Variants in KCNMA1 observed in about 807,000 individuals in gnomAD.
KCNMA1 encodes the protein Calcium-activated potassium channel subunit alpha-1.
In KCNMA1, 29 loss-of-function variants were observed where a neutral mutation model predicts 140.0. The observed-to-expected ratio is 0.21, with a 90% CI of 0.15 to 0.28. The LOEUF is 0.28. KCNMA1 is among the 10% of genes least tolerant of loss of function. The pLI is 1.00. For synonymous variants in KCNMA1, 612 were observed against 611.9 expected (o/e 1.00, Z 0.00); for missense variants, 880 against 1,602.2 (o/e 0.55, Z 7.70).
At chr10:76,950,483 T>C (rs1255612347) in intron 21 of KCNMA1, among the ~76,000 whole-genome samples, 1 of 152,216 alleles carries the variant, frequency 6.6e-6, no homozygotes, top group East Asian at 1.9e-4. Context: ...GCTGGCCCTT[T>C]GATTCACTGA....
At chr10:76,987,275 C>T (rs1322434454) in intron 19 of KCNMA1, among the ~76,000 whole-genome samples, 1 of 152,154 alleles carries the variant, frequency 6.6e-6, no homozygotes, top group East Asian at 1.9e-4. Flanking sequence ...AACATAAAAA[C>T]TGTCTAATGG....
intron 1 of KCNMA1, among the ~76,000 whole-genome samples, chr10:77,494,277 T>C (rs1041014820): frequency 4.1e-5 from 5 of 121,724 alleles, no homozygotes; most frequent in African/African-American, 1.8e-4. Context: ...CCAGTCCTCA[T>C]TACCCAGTGC....
intron 3 of KCNMA1, among the ~76,000 whole-genome samples, chr10:77,228,061 T>A (rs1392102610): frequency 1.4e-5 from 2 of 147,486 alleles, no homozygotes; most frequent in Non-Finnish European, 3.0e-5. Flanking sequence ...ACCTCCAGGG[T>A]TCAAGTGATT....
At chr10:77,330,704 A>C (rs2086063715) in intron 2 of KCNMA1, among the ~76,000 whole-genome samples, 1 of 152,178 alleles carries the variant, frequency 6.6e-6, no homozygotes, top group Non-Finnish European at 1.5e-5. Flanking sequence ...AGTGAATGGC[A>C]AAATCAGAAC....
intron 1 of KCNMA1, among the ~76,000 whole-genome samples, chr10:77,600,480 G>A (rs2082266318): frequency 6.6e-6 from 1 of 152,150 alleles, no homozygotes; most frequent in South Asian, 2.1e-4. Flanking sequence ...CGGGCACAGT[G>A]GCTTATGCCT....
At chr10:77,487,033 G>A (rs1311824376) in intron 1 of KCNMA1, among the ~76,000 whole-genome samples, 1 of 152,208 alleles carries the variant, frequency 6.6e-6, no homozygotes, top group African/African-American at 2.4e-5. Flanking sequence ...AATCCCTGCA[G>A]GATGAAATAC....
chr10:77,388,217 T>C (rs2095686301), intron 2 of KCNMA1, among the ~76,000 whole-genome samples: 1 of 152,210 alleles, frequency 6.6e-6, no homozygotes, highest in Non-Finnish European at 1.5e-5. Context: ...GGCTGTGAAA[T>C]AAGAACTGGT....
At chr10:77,436,020 A>T (rs1328074035) in intron 1 of KCNMA1, among the ~76,000 whole-genome samples, 2 of 152,240 alleles carry the variant, frequency 1.3e-5, no homozygotes, top group East Asian at 3.8e-4. Context: ...TGTGAAGTTC[A>T]GCCAAATGGC....
intron 1 of KCNMA1, among the ~76,000 whole-genome samples, chr10:77,456,554 T>C (rs74536535): frequency 6.6e-6 from 1 of 152,328 alleles, no homozygotes; most frequent in African/African-American, 2.4e-5. Flanking sequence ...CCCCGGCAGT[T>C]AGCAAAACGT....
At chr10:77,008,159 G>A (rs1291263728) in intron 18 of KCNMA1, 3 of 1,533,450 alleles carry the variant, frequency 2.0e-6, no homozygotes, top group Non-Finnish European at 2.6e-6. Flanking sequence ...CTGGACTCCG[G>A]GCTGCTGGGA....
At chr10:77,077,741 G>A (rs1206794592) in intron 13 of KCNMA1, 1 of 152,242 alleles carries the variant, frequency 6.6e-6, no homozygotes, top group Non-Finnish European at 1.5e-5. Context: ...TGCAGGAGCT[G>A]TCACTAGTCA....
At chr10:77,057,061 C>T (rs2095565820) in intron 14 of KCNMA1, among the ~76,000 whole-genome samples, 1 of 152,044 alleles carries the variant, frequency 6.6e-6, no homozygotes, top group Non-Finnish European at 1.5e-5. Context: ...AGAGACAAAC[C>T]TAGCAGTTGA....
At chr10:77,635,858 A>G (rs1167188379) in intron 1 of KCNMA1, 3 of 153,450 alleles carry the variant, frequency 2.0e-5, no homozygotes, top group Non-Finnish European at 4.3e-5. Flanking sequence ...ATGTGCTGCC[A>G]CAAAACACAG....
chr10:77,298,618 G>GAA (rs35476319), intron 2 of KCNMA1, among the ~76,000 whole-genome samples: 37 of 151,358 alleles, frequency 2.4e-4, no homozygotes, highest in African/African-American at 5.6e-4. Flanking sequence ...CACCCTAACT[G>GAA]AAAAAAAAAT....
chr10:77,459,625 A>G (rs1407495675), intron 1 of KCNMA1, among the ~76,000 whole-genome samples: 1 of 152,198 alleles, frequency 6.6e-6, no homozygotes, highest in African/African-American at 2.4e-5. Flanking sequence ...TAATCAAAAC[A>G]CAGCTTTGAG....
chr10:76,989,570 C>T (rs1007594092), intron 19 of KCNMA1, among the ~76,000 whole-genome samples: 1 of 152,170 alleles, frequency 6.6e-6, no homozygotes, highest in African/African-American at 2.4e-5. Flanking sequence ...GCAAGGCCTA[C>T]TGGATAGTCA....
At chr10:77,382,982 G>GTATATA (rs1697557016) in intron 2 of KCNMA1, among the ~76,000 whole-genome samples, 2 of 75,374 alleles carry the variant, frequency 2.7e-5, no homozygotes, top group African/African-American at 1.5e-4. Context: ...GTGTGTGTGT[G>GTATATA]TGTGTGTGTG....
chr10:77,293,686 T>A (rs1378283033), intron 2 of KCNMA1, among the ~76,000 whole-genome samples: 1 of 152,248 alleles, frequency 6.6e-6, no homozygotes, highest in Non-Finnish European at 1.5e-5. Context: ...AAAGTTTCCA[T>A]GCCTCTGCTT....
intron 5 of KCNMA1, among the ~76,000 whole-genome samples, chr10:77,162,566 A>G (rs1180134791): frequency 2.0e-5 from 3 of 152,182 alleles, no homozygotes; most frequent in African/African-American, 4.8e-5. Flanking sequence ...AGTTTTCATC[A>G]AGATAAAGAC....
Sources: allele counts gnomAD v4.1 joint callset (sites outside exome capture counted in the v4.1 genomes callset), GRCh38; gene constraint gnomAD v4.1.1; transcripts MANE v1.5; gene names NCBI Gene and HGNC (gene_info 2026-07-23, HGNC 2026-07-21).